Variants in GALNT18 observed in about 807,000 individuals in gnomAD.
GALNT18 encodes polypeptide N-acetylgalactosaminyltransferase 18.
GALNT18 carries 44 observed loss-of-function variants against 69.5 expected under a neutral mutation model. The observed-to-expected ratio is 0.63, with a 90% confidence interval of 0.50 to 0.81. GALNT18 has a LOEUF of 0.81. Among genes scored for constraint, GALNT18 ranks in the 40% least tolerant of loss-of-function variants. GALNT18 has a pLI of 0.00. For missense variants in GALNT18, 715 were observed against 810.0 expected (o/e 0.88, Z 1.42); for synonymous variants, 364 against 318.2 (o/e 1.14, Z -1.53).
At chr11:11,371,026 C>T (rs982951206) in intron 6 of GALNT18, among the ~76,000 whole-genome samples, 26 of 152,192 alleles carry the variant, frequency 1.7e-4, no homozygotes, top group Non-Finnish European at 1.9e-4. Context: ...CAGGGGCTGT[C>T]CTCTATGAAT....
rs1859997545 is a variant in GALNT18 at position 11,614,406 on chromosome 11, C to A, written c.235+6953G>T. Among the ~76,000 whole-genome samples the A allele has an allele frequency of 6.7e-6, 1 of 149,836 alleles. No homozygotes were observed. The highest frequency in any genetic ancestry group is 1.5e-5 in the Non-Finnish European group (1 of 67,940). ...GAGGAGGAGGAGGAGGGAGGAGGAGCAGCAAGGCTCTTTAAACAACCAGCT... is the reference window on the plus strand; with the variant it reads ...GAGGAGGAGGAGGAGGGAGGAGGAGAAGCAAGGCTCTTTAAACAACCAGCT... On this transcript the variant is annotated intron_variant, in intron 1 of 10. Transcript: ENST00000227756. This position sits in a 1 kb window ranked among gnomAD's most constrained non-coding sequence, Gnocchi z 5.6.
intron 1 of GALNT18, among the ~76,000 whole-genome samples, chr11:11,609,649 G>A (rs1203470071): frequency 6.6e-6 from 1 of 152,170 alleles, no homozygotes. Context: ...GAGGAGAGTG[G>A]GAACTTGGAA....
rs1413826601 is a variant in GALNT18 at position 11,421,071 on chromosome 11, T to C, written c.595+11550A>G. 6.6e-6 allele frequency among the ~76,000 whole-genome samples: 1 copy of C among 152,184 alleles called. No individual in the cohort carries two copies. The highest frequency in any genetic ancestry group is 1.9e-4 in the East Asian group (1 of 5,194). On this transcript the variant is annotated intron_variant, in intron 3 of 10. Coordinates refer to ENST00000227756, the MANE Select transcript of GALNT18 (RefSeq NM_198516.3). The surrounding 1 kb of genome is among the most constrained non-coding windows in gnomAD (Gnocchi z 5.6). ...AAGGAAGGTCCTTTGCCCTCCCAGG[T>C]GCTGTCCTTCGTCAGCAGGGTAGCA...
At chr11:11,274,992 C>T (rs1312216648) in intron 10 of GALNT18, among the ~76,000 whole-genome samples, 1 of 152,168 alleles carries the variant, frequency 6.6e-6, no homozygotes, top group Admixed American at 6.5e-5. Context: ...ATTGTGAATA[C>T]TGCCACAATA....
chr11:11,439,792 T>C lies in GALNT18; in HGVS notation c.429-7005A>G, dbSNP rs961383301. 6.6e-6 allele frequency among the ~76,000 whole-genome samples: 1 copy of C among 152,078 alleles called. No homozygotes were observed. The highest frequency in any genetic ancestry group is 1.5e-5 in the Non-Finnish European group (1 of 68,010). ...GGATGGGAATTCTACCATGACCTGA[T>C]GGGAATGGAATCACTGAGTTGTACA... On this transcript the variant is annotated intron_variant, in intron 2 of 10. Transcript: ENST00000227756. This position sits in a 1 kb window ranked among gnomAD's most constrained non-coding sequence, Gnocchi z 4.4.
intron 3 of GALNT18, among the ~76,000 whole-genome samples, chr11:11,411,397 T>A (rs1029938643): frequency 5.9e-5 from 9 of 152,224 alleles, no homozygotes; most frequent in African/African-American, 2.2e-4. Flanking sequence ...TTGCTTATTA[T>A]AAGCCTTGAA....
In GALNT18 at chr11:11,332,921, C is replaced by T. The variant is rs1035061669; in HGVS notation, c.1279-90G>A. Reference sequence around the variant, plus strand: ...CTTTGGCATGACCTTGTGCCCCCAACAAGATTCCTAGAGACTGGGGAAGGG... The same window carrying T: ...CTTTGGCATGACCTTGTGCCCCCAATAAGATTCCTAGAGACTGGGGAAGGG... On this transcript the variant is annotated intron_variant, in intron 7 of 10. Transcript: ENST00000227756. This position sits in a 1 kb window ranked among gnomAD's most constrained non-coding sequence, Gnocchi z 4.3. 6.9e-7 allele frequency: 1 copy of T among 1,449,840 alleles called. No homozygotes were observed. Among genetic ancestry groups the T allele is most frequent in the Admixed American group, 1.7e-5 (1 of 58,626 alleles). 89.8% of individuals were successfully genotyped at this position (1,449,840 alleles called of 1,614,324 possible). A position where few individuals can be genotyped will look rare whatever the true frequency, so the allele number is the denominator to read the frequency against.
intron 3 of GALNT18, among the ~76,000 whole-genome samples, chr11:11,420,285 G>A (rs554531554): frequency 6.6e-6 from 1 of 152,226 alleles, no homozygotes; most frequent in African/African-American, 2.4e-5. Flanking sequence ...CCAACTCCTA[G>A]TGCTGTCTCT....
intron 10 of GALNT18, among the ~76,000 whole-genome samples, chr11:11,274,695 C>T (rs1380594591): frequency 6.6e-6 from 1 of 152,204 alleles, no homozygotes; most frequent in Non-Finnish European, 1.5e-5. Flanking sequence ...TGTTATTCCT[C>T]CCCTAGCCCT....
intron 1 of GALNT18, among the ~76,000 whole-genome samples, chr11:11,561,953 CA>C (rs1354510793): frequency 1.3e-5 from 2 of 152,252 alleles, no homozygotes; most frequent in Non-Finnish European, 2.9e-5. Flanking sequence ...CAGTGGCTCA[CA>C]GGGGTGAAGG....
intron 1 of GALNT18, among the ~76,000 whole-genome samples, chr11:11,518,172 T>C (rs1857322329): frequency 6.6e-6 from 1 of 152,218 alleles, no homozygotes; most frequent in African/African-American, 2.4e-5. Flanking sequence ...GCACAAGACC[T>C]GCCTGTTCCT....
At chr11:11,350,711 T>A (rs1049488467) in intron 6 of GALNT18, among the ~76,000 whole-genome samples, 11 of 152,226 alleles carry the variant, frequency 7.2e-5, no homozygotes, top group African/African-American at 2.6e-4. Context: ...CAGGTGACTA[T>A]CCAGTGTGTC....
At chr11:11,301,537 T>A (rs1439503222) in intron 9 of GALNT18, among the ~76,000 whole-genome samples, 1 of 152,178 alleles carries the variant, frequency 6.6e-6, no homozygotes, top group African/African-American at 2.4e-5. Context: ...TGGGAAGCAT[T>A]TATAAGCACC....
intron 1 of GALNT18, among the ~76,000 whole-genome samples, chr11:11,611,763 G>C (rs768089902): frequency 1.3e-5 from 2 of 152,200 alleles, no homozygotes; most frequent in African/African-American, 4.8e-5. Context: ...ATCTGAAAGA[G>C]CTCTAGTCTG....
chr11:11,316,857 C>T (rs2253607), intron 9 of GALNT18, among the ~76,000 whole-genome samples: 7,715 of 152,258 alleles, frequency 0.051, 609 homozygotes, highest in African/African-American at 0.17. Context: ...TTCCTGCCTC[C>T]CTCTCCAGAC....
In GALNT18 at chr11:11,469,739, A is replaced by G. The variant is rs1856231215; in HGVS notation, c.236-20803T>C. ...GTGAGTTGGTTGTTGGGGAATGAGTATAGGCTCCCTTAGGTGTTTTCAGCT... is the reference window on the plus strand; with the variant it reads ...GTGAGTTGGTTGTTGGGGAATGAGTGTAGGCTCCCTTAGGTGTTTTCAGCT... On this transcript the variant is annotated intron_variant, in intron 1 of 10. Coordinates refer to ENST00000227756, the MANE Select transcript of GALNT18 (RefSeq NM_198516.3). The surrounding 1 kb of genome is among the most constrained non-coding windows in gnomAD (Gnocchi z 4.2). Among the ~76,000 whole-genome samples, 2 of 152,204 alleles carry G rather than the reference A, an allele frequency of 1.3e-5. No homozygotes were observed. Among genetic ancestry groups the G allele is most frequent in the African/African-American group, 4.8e-5 (2 of 41,450 alleles).
chr11:11,288,820 G>C (rs983698604), intron 10 of GALNT18, among the ~76,000 whole-genome samples: 4 of 152,056 alleles, frequency 2.6e-5, no homozygotes, highest in Non-Finnish European at 5.9e-5. Flanking sequence ...CAGGGTATGA[G>C]ATGGAACACT....
intron 1 of GALNT18, among the ~76,000 whole-genome samples, chr11:11,571,602 C>T (rs1173862936): frequency 6.6e-6 from 1 of 152,194 alleles, no homozygotes; most frequent in Non-Finnish European, 1.5e-5. Flanking sequence ...TCCAGGAGCC[C>T]TTGCAATGGG....
chr11:11,418,592 C>T (rs1310503543), intron 3 of GALNT18, among the ~76,000 whole-genome samples: 1 of 152,218 alleles, frequency 6.6e-6, no homozygotes, highest in African/African-American at 2.4e-5. Context: ...TCACCTGTGG[C>T]TCATGGCACT....
Sources: gnomAD v4.1 joint callset for allele counts (sites outside exome capture counted in the v4.1 genomes callset) on GRCh38, gnomAD v4.1.1 for gene constraint, Gnocchi (gnomAD v3.1) non-coding constraint, MANE v1.5 for transcripts, NCBI Gene and HGNC (gene_info 2026-07-23, HGNC 2026-07-21) for gene names.